Variants in ANKRD66 observed in about 807,000 individuals in gnomAD.
The protein encoded by ANKRD66 is ankyrin repeat domain-containing protein 66.
Under a neutral mutation model 10.9 loss-of-function variants are expected in ANKRD66, and 10 were observed. The ratio of observed to expected loss-of-function variants is 0.91; its 90% CI spans 0.56 to 1.55. The LOEUF is 1.55. Ranked by LOEUF, ANKRD66 falls within the 40% of genes most tolerant of loss-of-function variation. The probability of loss-of-function intolerance (pLI) is 0.00; values close to 1 mark genes in which losing one functional copy is unlikely to be tolerated. For missense variants in ANKRD66, 252 were observed against 242.9 expected (o/e 1.04, Z -0.25); for synonymous variants, 85 against 88.4 (o/e 0.96, Z 0.22).
chr6:46,754,869 T>G (rs1324010543), intron 4 of ANKRD66, among the ~76,000 whole-genome samples: 2 of 152,198 alleles, frequency 1.3e-5, no homozygotes, highest in Non-Finnish European at 2.9e-5. Flanking sequence ...GAGTCCTGAC[T>G]CACAGATTCA....
At chr6:46,755,866 T>G (rs1479349572) in intron 4 of ANKRD66, among the ~76,000 whole-genome samples, 2 of 152,206 alleles carry the variant, frequency 1.3e-5, no homozygotes, top group Admixed American at 6.5e-5. Context: ...TAGTAATAAC[T>G]TGTGTAAAAA....
chr6:46,753,905 T>C lies in ANKRD66; in HGVS notation c.347T>C (p.Ile116Thr). ...TTCTTTGGAGACACACCGAAGAGGA[T>C]TGCACAGATCTATGGACAGAAAGCC... is the stretch of plus-strand genomic sequence containing the variant. ...PDFFGDTPKR[I>T]AQIYGQKACV... The change falls in exon 4 of 5, where the codon ATT (isoleucine) becomes ACT (threonine). Residue 116 changes from isoleucine (I) to threonine (T), a missense_variant. Transcript: ENST00000565422. 4 of 1,551,576 alleles carry C rather than the reference T, an allele frequency of 2.6e-6. No individual in the cohort carries two copies. The highest frequency in any genetic ancestry group is 1.2e-5 in the South Asian group (1 of 84,052).
chr6:46,755,104 T>A (rs1445215438), intron 4 of ANKRD66, among the ~76,000 whole-genome samples: 1 of 152,234 alleles, frequency 6.6e-6, no homozygotes, highest in South Asian at 2.1e-4. Context: ...ATCACCTTCC[T>A]GAAGGTCTCA....
At chr6:46,755,249 C>T (rs1009145016) in intron 4 of ANKRD66, among the ~76,000 whole-genome samples, 22 of 152,316 alleles carry the variant, frequency 1.4e-4, no homozygotes, top group Admixed American at 1.3e-4. Flanking sequence ...GTCTTCTCCA[C>T]GTTTATCCTT....
intron 4 of ANKRD66, among the ~76,000 whole-genome samples, chr6:46,754,798 T>C (rs1766348404): frequency 6.6e-6 from 1 of 152,168 alleles, no homozygotes; most frequent in Non-Finnish European, 1.5e-5. Context: ...GGTAATGTCT[T>C]ACATTAAAAA....
intron 4 of ANKRD66, chr6:46,757,746 G>C (rs1358692138): frequency 6.6e-6 from 1 of 152,296 alleles, no homozygotes; most frequent in East Asian, 1.9e-4. Flanking sequence ...AGCCCCCCAA[G>C]TGATAAACCT....
intron 3 of ANKRD66, among the ~76,000 whole-genome samples, chr6:46,753,320 A>G (rs1766307903): frequency 6.6e-6 from 1 of 152,186 alleles, no homozygotes; most frequent in African/African-American, 2.4e-5. Flanking sequence ...GTTATTTATC[A>G]CGTAAATAGG....
At position 46,752,016 on chromosome 6, in the gene ANKRD66, T is replaced by G; in HGVS notation, c.68T>G (p.Leu23Ter). 6.5e-7 allele frequency: 1 copy of G among 1,537,410 alleles called. No homozygotes were observed. The highest frequency in any genetic ancestry group is 8.8e-7 in the Non-Finnish European group (1 of 1,141,072). Residue 23 changes from leucine to a stop codon, truncating the protein, a stop_gained, in exon 3 of 5, where the codon TTA (leucine) becomes TGA (stop). Coordinates refer to ENST00000565422, the MANE Select transcript of ANKRD66 (RefSeq NM_001162435.3). LOFTEE classifies it high-confidence loss of function. Reference sequence around the variant, plus strand: ...GCTGTGGCTGCAGGAGACTACAGCTTAGTGAAGAAGATTTTGAAGAAAGGT... The same window carrying G: ...GCTGTGGCTGCAGGAGACTACAGCTGAGTGAAGAAGATTTTGAAGAAAGGT... The part of the protein sequence containing the change: ...HQAVAAGDYS[L>*]VKKILKKGLC...
rs1279994604 is a variant in ANKRD66, at chr6:46,758,742, G to GACCACCGTTGCGCTGCCCAGC, written c.414_434dup (p.Gln144_Gln145insHisHisArgCysAlaAlaGln). 1 of 1,549,454 alleles carries GACCACCGTTGCGCTGCCCAGC rather than the reference G, an allele frequency of 6.5e-7. No homozygotes were observed. The highest frequency in any genetic ancestry group is 8.7e-7 in the Non-Finnish European group (1 of 1,146,420). Reference sequence around the variant, plus strand: ...TCCTAGGGCAGAGCCCGAGTGCCAGGACCACCGTTGCGCTGCCCAGCAGAA... The same window carrying GACCACCGTTGCGCTGCCCAGC: ...TCCTAGGGCAGAGCCCGAGTGCCAGGACCACCGTTGCGCTGCCCAGCACCACCGTTGCGCTGCCCAGCAGAA... On this transcript the variant is annotated inframe_insertion, in exon 5 of 5. Coordinates refer to ENST00000565422, the MANE Select transcript of ANKRD66 (RefSeq NM_001162435.3).
chr6:46,752,334 A>T (rs1386990436), intron 3 of ANKRD66, among the ~76,000 whole-genome samples: 3 of 152,182 alleles, frequency 2.0e-5, no homozygotes, highest in Non-Finnish European at 2.9e-5. Flanking sequence ...TCCTGGGTTC[A>T]AGCGATTCTC....
rs1396093300 is a variant in ANKRD66 at position 46,753,761 on chromosome 6, C to G, written c.203C>G (p.Ala68Gly). The G allele has an allele frequency of 3.9e-5, 60 of 1,551,248 alleles. No individual in the cohort carries two copies. The highest frequency in any genetic ancestry group is 5.1e-5 in the Non-Finnish European group (58 of 1,146,888). ...ATACGGCTCCTGATAGAATATGGAG[C>G]CAGGCCCTGCCTGGTTACTAGTGTG... ...EVIRLLIEYG[A>G]RPCLVTSVGW... is the part of the protein sequence containing the mutation. Residue 68 changes from alanine (A) to glycine (G), a missense_variant, in exon 4 of 5, where the codon GCC (alanine) becomes GGC (glycine). Coordinates refer to ENST00000565422, the MANE Select transcript of ANKRD66 (RefSeq NM_001162435.3).
chr6:46,758,825 G>GCTGT lies in ANKRD66; in HGVS notation c.498_501dup (p.Leu168ValfsTer11), dbSNP rs1420791579. On this transcript the variant is annotated frameshift_variant, in exon 5 of 5. Transcript: ENST00000565422. LOFTEE classifies it low-confidence loss of function (END_TRUNC). ...GGGATGCCAAGAAAAGGGAGCTGGA[G>GCTGT]CTGTCTCTTCCTTCCCTAAATCAAA... 4 of 1,551,436 alleles carry GCTGT rather than the reference G, an allele frequency of 2.6e-6. No individual in the cohort carries two copies. The African/African-American group carries it at 5.5e-5, about 21-fold the overall frequency.
chr6:46,751,973 A>T lies in ANKRD66; in HGVS notation c.25A>T (p.Met9Leu), dbSNP rs1477740804. 6.3e-5 allele frequency: 93 copies of T among 1,476,974 alleles called. No homozygotes were observed. The highest frequency in any genetic ancestry group is 7.8e-5 in the Non-Finnish European group (87 of 1,116,892). 91.5% of individuals were successfully genotyped at this position (1,476,974 alleles called of 1,614,324 possible). A position where few individuals can be genotyped will look rare whatever the true frequency, so the allele number is the denominator to read the frequency against. ...CATGGAATTGGCCAAAATGTCAGACATGACAAAGCTTCACCAAGCTGTGGC... is the reference window on the plus strand; with the variant it reads ...CATGGAATTGGCCAAAATGTCAGACTTGACAAAGCTTCACCAAGCTGTGGC... MELAKMSD[M>L]TKLHQAVAAG... The change falls in exon 3 of 5, where the codon ATG (methionine) becomes TTG (leucine). Residue 9 changes from methionine to leucine, a missense_variant. Transcript: ENST00000565422.
At chr6:46,747,498 A>C (rs1384687502) in intron 1 of ANKRD66, among the ~76,000 whole-genome samples, 2 of 152,224 alleles carry the variant, frequency 1.3e-5, no homozygotes, top group East Asian at 3.9e-4. Flanking sequence ...TATAGTCTAC[A>C]TTCTAGCTAT....
intron 3 of ANKRD66, 73 bp downstream of exon 3, chr6:46,752,184 T>C: frequency 7.6e-7 from 1 of 1,322,658 alleles, no homozygotes; most frequent in East Asian, 3.1e-5. Context: ...CAGTAGGCTA[T>C]GTGGGGGAGT....
intron 1 of ANKRD66, 147 bp from the exon 2 acceptor site, chr6:46,749,749 G>A (rs1766228224): frequency 3.6e-6 from 3 of 828,896 alleles, no homozygotes; most frequent in African/African-American, 1.8e-5. Flanking sequence ...ATATGTCTCT[G>A]ACCCATCGCA....
intron 1 of ANKRD66, among the ~76,000 whole-genome samples, chr6:46,747,470 T>C (rs1766168092): frequency 6.6e-6 from 1 of 152,200 alleles, no homozygotes; most frequent in East Asian, 1.9e-4. Context: ...CCAACCTCCA[T>C]CGCAGCCCTA....
chr6:46,758,079 T>G (rs1330344055), intron 4 of ANKRD66: 2 of 152,208 alleles, frequency 1.3e-5, no homozygotes, highest in Non-Finnish European at 2.9e-5. Flanking sequence ...CCATTATCTA[T>G]CCTCTTAAAT....
intron 4 of ANKRD66, among the ~76,000 whole-genome samples, chr6:46,755,494 T>A (rs1766364562): frequency 6.6e-6 from 1 of 152,238 alleles, no homozygotes; most frequent in African/African-American, 2.4e-5. Context: ...GCAGATTTTA[T>A]GTACATTTAT....
Sources: allele counts gnomAD v4.1 joint callset (sites outside exome capture counted in the v4.1 genomes callset), GRCh38; gene constraint gnomAD v4.1.1; transcripts MANE v1.5; gene names NCBI Gene and HGNC (gene_info 2026-07-23, HGNC 2026-07-21).